The following SPAG16 variants were observed in gnomAD, a reference collection of about 807,000 sequenced individuals.
The protein encoded by SPAG16 is sperm associated antigen 16, also known as sperm-associated antigen 16 protein.
SPAG16 carries 86 observed loss-of-function variants against 80.4 expected under a neutral mutation model. That is an observed-to-expected ratio of 1.07 (90% CI 0.90 to 1.28). The LOEUF (loss-of-function observed/expected upper bound fraction) is 1.28. SPAG16 is among the 50% of genes most tolerant of loss of function. The pLI is 0.00. For missense variants in SPAG16, 870 were observed against 765.3 expected, an observed-to-expected ratio of 1.14 and a Z score of -1.61; for synonymous variants, 294 against 265.9, an observed-to-expected ratio of 1.11 and a Z score of -1.03.
chr2:214,200,970 G>T (rs2057992689), intron 15 of SPAG16, among the ~76,000 whole-genome samples: 1 of 152,150 alleles, frequency 6.6e-6, no homozygotes, highest in South Asian at 2.1e-4. Flanking sequence ...AAAGAGAGTT[G>T]CTTCTTCCGG....
chr2:213,366,569 C>T (rs1164705560), intron 8 of SPAG16, among the ~76,000 whole-genome samples: 1 of 152,124 alleles, frequency 6.6e-6, no homozygotes, highest in East Asian at 1.9e-4. Flanking sequence ...ATAAAACCAT[C>T]AGATCTTGTG....
chr2:214,194,047 T>C (rs1404297447), intron 15 of SPAG16, among the ~76,000 whole-genome samples: 1 of 152,114 alleles, frequency 6.6e-6, no homozygotes, highest in Non-Finnish European at 1.5e-5. Flanking sequence ...TCAACTATTA[T>C]AGTCAGAAAA....
intron 15 of SPAG16, among the ~76,000 whole-genome samples, chr2:214,160,694 CGTAT>C (rs67415849): frequency 0.04 from 6,061 of 151,990 alleles, 181 homozygotes; most frequent in Middle Eastern, 0.071. Flanking sequence ...TGTGTATGTA[CGTAT>C]GTAAGTTTCT....
At chr2:214,033,251 G>A (rs1223869636) in intron 13 of SPAG16, among the ~76,000 whole-genome samples, 2 of 152,148 alleles carry the variant, frequency 1.3e-5, no homozygotes, top group African/African-American at 2.4e-5. Flanking sequence ...TGGGCAAGGG[G>A]AAATAAGGCC....
chr2:213,319,113 A>G (rs891266729), intron 5 of SPAG16, among the ~76,000 whole-genome samples: 7 of 152,028 alleles, frequency 4.6e-5, no homozygotes, highest in African/African-American at 1.4e-4. Flanking sequence ...ATCAATGCTC[A>G]GATGTGAAGC....
At chr2:213,503,893 G>T (rs1316852914) in intron 10 of SPAG16, among the ~76,000 whole-genome samples, 2 of 152,138 alleles carry the variant, frequency 1.3e-5, no homozygotes, top group African/African-American at 4.8e-5. Flanking sequence ...GGTTTTAATT[G>T]GAAAGCCAGC....
intron 13 of SPAG16, among the ~76,000 whole-genome samples, chr2:214,042,550 C>G (rs4550616): frequency 6.6e-6 from 1 of 152,040 alleles, no homozygotes; most frequent in Non-Finnish European, 1.5e-5. Context: ...TGTTTTCCCC[C>G]TATCTCATCA....
chr2:213,378,580 T>G (rs1559472907), intron 9 of SPAG16, among the ~76,000 whole-genome samples: 1 of 152,222 alleles, frequency 6.6e-6, no homozygotes, highest in Non-Finnish European at 1.5e-5. Context: ...CGAAGGTATA[T>G]TCTTAGTACA....
chr2:213,620,699 A>G (rs2061751251), intron 10 of SPAG16, among the ~76,000 whole-genome samples: 3 of 152,170 alleles, frequency 2.0e-5, no homozygotes, highest in Non-Finnish European at 4.4e-5. Flanking sequence ...TGATTTGATC[A>G]TTACACATTG....
intron 10 of SPAG16, among the ~76,000 whole-genome samples, chr2:213,493,159 T>C (rs1008918187): frequency 6.6e-6 from 1 of 152,240 alleles, no homozygotes; most frequent in African/African-American, 2.4e-5. Flanking sequence ...AATACACAAC[T>C]ATATGACCTA....
intron 9 of SPAG16, among the ~76,000 whole-genome samples, chr2:213,413,374 C>G (rs2069089957): frequency 6.6e-6 from 1 of 151,956 alleles, no homozygotes; most frequent in Non-Finnish European, 1.5e-5. Context: ...AGTTTTTCTT[C>G]CTACAAAGGT....
intron 15 of SPAG16, among the ~76,000 whole-genome samples, chr2:214,351,129 T>G (rs1698375930): frequency 6.6e-6 from 1 of 152,100 alleles, no homozygotes; most frequent in Non-Finnish European, 1.5e-5. Flanking sequence ...TTGTAATCCT[T>G]CCGTGACTAG....
At chr2:214,298,693 T>A (rs544390837) in intron 15 of SPAG16, among the ~76,000 whole-genome samples, 15 of 152,226 alleles carry the variant, frequency 9.9e-5, no homozygotes, top group Admixed American at 7.9e-4. Context: ...ATTGTAAGCC[T>A]ATTTGTATTT....
chr2:214,073,357 C>T (rs909134473), intron 13 of SPAG16, among the ~76,000 whole-genome samples: 43 of 151,952 alleles, frequency 2.8e-4, no homozygotes, highest in African/African-American at 9.7e-4. Flanking sequence ...CCTGCCTCAG[C>T]CTCCTGAGTA....
intron 15 of SPAG16, among the ~76,000 whole-genome samples, chr2:214,187,109 A>G (rs1417923433): frequency 6.6e-6 from 1 of 152,136 alleles, no homozygotes; most frequent in African/African-American, 2.4e-5. Context: ...TTCAAAGTTT[A>G]CACTTGAGGA....
intron 13 of SPAG16, among the ~76,000 whole-genome samples, chr2:214,019,921 A>T (rs2047773870): frequency 6.6e-6 from 1 of 152,180 alleles, no homozygotes; most frequent in Admixed American, 6.6e-5. Flanking sequence ...ATCTTAAAAT[A>T]ATGTAGTAAT....
chr2:213,652,887 G>A (rs566451416), intron 10 of SPAG16, among the ~76,000 whole-genome samples: 2 of 152,060 alleles, frequency 1.3e-5, no homozygotes, highest in Non-Finnish European at 2.9e-5. Context: ...TACCGATCAT[G>A]ATTCTGTGTC....
intron 15 of SPAG16, among the ~76,000 whole-genome samples, chr2:214,167,432 A>C (rs1313149688): frequency 6.6e-6 from 1 of 152,084 alleles, no homozygotes; most frequent in Non-Finnish European, 1.5e-5. Context: ...ATGAGCCAAC[A>C]AATTTGTGTT....
intron 8 of SPAG16, among the ~76,000 whole-genome samples, chr2:213,368,527 C>T (rs928133214): frequency 1.3e-5 from 2 of 152,138 alleles, no homozygotes; most frequent in Non-Finnish European, 1.5e-5. Context: ...CCCTCTCTCA[C>T]CACTCCTATT....
Sources: allele counts gnomAD v4.1 joint callset (sites outside exome capture counted in the v4.1 genomes callset), GRCh38; gene constraint gnomAD v4.1.1; transcripts MANE v1.5; gene names NCBI Gene and HGNC (gene_info 2026-07-23, HGNC 2026-07-21).